Variants in SLC44A5 observed in about 807,000 individuals in gnomAD.
The protein encoded by SLC44A5 is choline transporter-like protein 5.
In SLC44A5, 57 loss-of-function variants were observed where a neutral mutation model predicts 101.8. The ratio of observed to expected loss-of-function variants is 0.56; its 90% CI spans 0.45 to 0.70. SLC44A5 has a LOEUF of 0.70. Ranked by LOEUF, SLC44A5 falls within the 30% of genes least tolerant of loss-of-function variation. SLC44A5 has a pLI of 0.00. For synonymous variants in SLC44A5, 281 were observed against 290.9 expected (o/e 0.97, Z 0.35); for missense variants, 737 against 853.1 (o/e 0.86, Z 1.70).
intron 5 of SLC44A5, among the ~76,000 whole-genome samples, chr1:75,284,016 AT>A (rs1652836903): frequency 6.6e-6 from 1 of 151,802 alleles, no homozygotes; most frequent in Non-Finnish European, 1.5e-5. Context: ...GAATTTTAAG[AT>A]TGTTTTTTCG....
chr1:75,568,485 G>A (rs537561952), intron 1 of SLC44A5, among the ~76,000 whole-genome samples: 13 of 152,270 alleles, frequency 8.5e-5, no homozygotes, highest in South Asian at 2.1e-4. Context: ...CCAGATACAG[G>A]AAACAGGCCT....
At chr1:75,679,540 T>C in the SLC44A5 span, among the ~76,000 whole-genome samples, 1 of 151,796 alleles carries the variant, frequency 6.6e-6, no homozygotes, top group East Asian at 1.9e-4. Context: ...AGAAATAAAA[T>C]ACTTTACAGA....
At chr1:75,707,208 AGATGAAAT>A in the SLC44A5 span, among the ~76,000 whole-genome samples, 5 of 152,234 alleles carry the variant, frequency 3.3e-5, no homozygotes, top group Admixed American at 3.3e-4. Flanking sequence ...CCTGGCTGAC[AGATGAAAT>A]GAGTACTCAG....
chr1:75,219,973 T>A, intron 14 of SLC44A5, 81 bp from the exon 15 acceptor site: 1 of 799,290 alleles, frequency 1.3e-6, no homozygotes, highest in Non-Finnish European at 1.9e-6. Flanking sequence ...AGAAAACTGG[T>A]AATAACCACG....
At chr1:75,670,414 C>T in the SLC44A5 span, among the ~76,000 whole-genome samples, 1 of 151,982 alleles carries the variant, frequency 6.6e-6, no homozygotes. Context: ...TTACATACAA[C>T]AGAATGAAAG....
At chr1:75,588,632 A>T (rs1243761552) in intron 1 of SLC44A5, among the ~76,000 whole-genome samples, 1 of 152,158 alleles carries the variant, frequency 6.6e-6, no homozygotes, top group Non-Finnish European at 1.5e-5. Flanking sequence ...TATTAAGAAA[A>T]ATCATTTGGG....
chr1:75,488,461 C>T (rs1668269431), intron 2 of SLC44A5, among the ~76,000 whole-genome samples: 1 of 152,090 alleles, frequency 6.6e-6, no homozygotes, highest in Non-Finnish European at 1.5e-5. Flanking sequence ...AGGGGATCAC[C>T]ATTGCATACG....
the SLC44A5 span, among the ~76,000 whole-genome samples, chr1:75,699,484 A>T: frequency 6.6e-6 from 1 of 152,110 alleles, no homozygotes. Context: ...GCCTGCCCTA[A>T]AAAAGGTGCT....
At chr1:75,206,042 T>A (rs1646744408) in intron 23 of SLC44A5, 1 of 152,324 alleles carries the variant, frequency 6.6e-6, no homozygotes, top group Non-Finnish European at 1.5e-5. Flanking sequence ...AGAACCTATA[T>A]AACATTAACA....
chr1:75,476,167 A>G (rs1405464691), intron 2 of SLC44A5, among the ~76,000 whole-genome samples: 1 of 152,078 alleles, frequency 6.6e-6, no homozygotes, highest in Non-Finnish European at 1.5e-5. Context: ...TGGGAGACAG[A>G]AAGAGATTCT....
chr1:75,414,324 T>TACAC (rs35421682), intron 2 of SLC44A5, among the ~76,000 whole-genome samples: 5,316 of 146,032 alleles, frequency 0.036, 95 homozygotes, highest in African/African-American at 0.04. Context: ...CATATCCACA[T>TACAC]ACACACACAC....
intron 12 of SLC44A5, among the ~76,000 whole-genome samples, chr1:75,231,182 G>C (rs1197275875): frequency 1.3e-5 from 2 of 152,086 alleles, no homozygotes; most frequent in Non-Finnish European, 2.9e-5. Context: ...ACTTACTCCA[G>C]GAGTTTCAGG....
At chr1:75,341,153 G>A (rs1023383285) in intron 3 of SLC44A5, among the ~76,000 whole-genome samples, 1 of 152,152 alleles carries the variant, frequency 6.6e-6, no homozygotes, top group Non-Finnish European at 1.5e-5. Flanking sequence ...ATATGAAGAG[G>A]AATTTTTCAG....
chr1:75,712,713 A>AAAC, the SLC44A5 span, among the ~76,000 whole-genome samples: 39,336 of 110,542 alleles, frequency 0.36, 8,627 homozygotes, highest in African/African-American at 0.45. Flanking sequence ...AAAAAAAAAA[A>AAAC]ATGGAAAAGA....
chr1:75,657,365 A>G, the SLC44A5 span, among the ~76,000 whole-genome samples: 1 of 152,028 alleles, frequency 6.6e-6, no homozygotes, highest in Non-Finnish European at 1.5e-5. Context: ...TCTGGGCAAC[A>G]TGGTGAAACT....
intron 3 of SLC44A5, among the ~76,000 whole-genome samples, chr1:75,367,719 G>A (rs1659954437): frequency 6.6e-6 from 1 of 152,184 alleles, no homozygotes; most frequent in South Asian, 2.1e-4. Flanking sequence ...GGATGGAGCT[G>A]TTTCCAGGTT....
chr1:75,472,945 C>T (rs1029250684), intron 2 of SLC44A5, among the ~76,000 whole-genome samples: 10 of 152,182 alleles, frequency 6.6e-5, no homozygotes, highest in Non-Finnish European at 1.3e-4. Context: ...CTAAAGACTT[C>T]TGTGTGATGA....
chr1:75,535,606 T>C (rs1403906601), intron 2 of SLC44A5, among the ~76,000 whole-genome samples: 1 of 152,188 alleles, frequency 6.6e-6, no homozygotes, highest in East Asian at 1.9e-4. Context: ...CATGCTAGCC[T>C]GGGCATGGTA....
intron 1 of SLC44A5, among the ~76,000 whole-genome samples, chr1:75,609,321 T>C (rs139651550): frequency 9.9e-5 from 15 of 152,110 alleles, no homozygotes; most frequent in African/African-American, 3.4e-4. Flanking sequence ...TCTTTTTTAA[T>C]TGGCAAGTAA....
Sources: allele counts gnomAD v4.1 joint callset (sites outside exome capture counted in the v4.1 genomes callset), GRCh38; gene constraint gnomAD v4.1.1; transcripts MANE v1.5; gene names NCBI Gene and HGNC (gene_info 2026-07-23, HGNC 2026-07-21).